HEG1: variants seen among roughly 807,000 people sequenced by gnomAD.
HEG1 encodes heart development protein with EGF like domains 1, also known as protein HEG homolog 1.
HEG1 carries 56 observed loss-of-function variants against 125.6 expected under a neutral mutation model. The ratio of observed to expected loss-of-function variants is 0.45; its 90% confidence interval spans 0.36 to 0.56. HEG1 has a LOEUF of 0.56. HEG1 is among the 20% of genes least tolerant of loss of function. The probability of loss-of-function intolerance (pLI) is 0.00; values close to 1 mark genes in which losing one functional copy is unlikely to be tolerated. For synonymous variants in HEG1, 644 were observed against 668.5 expected (o/e 0.96, Z 0.57); for missense variants, 1,523 against 1,670.0 (o/e 0.91, Z 1.53).
At chr3:124,985,185 G>A (rs921442244) in intron 14 of HEG1, among the ~76,000 whole-genome samples, 1 of 152,114 alleles carries the variant, frequency 6.6e-6, no homozygotes, top group South Asian at 2.1e-4. Flanking sequence ...TGGGGAGCCC[G>A]AAGTTGCTCA....
chr3:125,047,301 C>T (rs946877071), intron 1 of HEG1, among the ~76,000 whole-genome samples: 2 of 152,262 alleles, frequency 1.3e-5, no homozygotes, highest in Admixed American at 1.3e-4. Context: ...GTAGCATCAT[C>T]ATTGCTAGTA....
chr3:125,012,237 TCTTTA>T lies in HEG1; in HGVS notation c.2956+381_2956+385del, dbSNP rs528680000. On this transcript the variant is annotated intron_variant, in intron 6 of 16. Coordinates refer to ENST00000311127, the MANE Select transcript of HEG1 (RefSeq NM_020733.2). ...CTGTGTCAGCCAGGCCTCCTAAGCT[TCTTTA>T]CTTGAGTTTCTCCACCCTACAATCC... 3.0e-3 allele frequency among the ~76,000 whole-genome samples: 453 copies of T among 152,246 alleles called. 1 individual carries two copies. The highest frequency in any genetic ancestry group is 0.01 in the African/African-American group (431 of 41,530).
chr3:124,990,592 A>G (rs558701577), intron 14 of HEG1, among the ~76,000 whole-genome samples, 195 bp downstream of exon 14: 168 of 152,296 alleles, frequency 1.1e-3, no homozygotes, highest in African/African-American at 3.8e-3. Context: ...TCCTGCCTCC[A>G]TCTTCCAAAG....
chr3:125,046,428 CACACACATAT>C (rs1267208337), intron 1 of HEG1, among the ~76,000 whole-genome samples: 2 of 127,718 alleles, frequency 1.6e-5, no homozygotes, highest in Admixed American at 1.6e-4. Context: ...CACACACACA[CACACACATAT>C]ATATTTTTTT....
Position 125,021,071 on chromosome 3 carries a change from G to C in HEG1, c.973C>G (p.Gln325Glu), listed in dbSNP as rs1358049393. Residue 325 changes from glutamine (Q) to glutamate (E), a missense_variant, in exon 4 of 17, where the codon CAA becomes GAA. Gln to Glu is a conservative substitution (Grantham distance 29). Transcript: ENST00000311127. ...GTGGCAACATGCATTGTCTTTGTTT[G>C]ACTGACTGAGGAGCTCTGGAGGCCA... ...STGLQSSSVS[Q>E]TKTMHVATVF... 2 of 1,604,076 alleles carry C rather than the reference G, an allele frequency of 1.2e-6. No homozygotes were observed. Among genetic ancestry groups the C allele is most frequent in the East Asian group, 4.5e-5 (2 of 44,704 alleles).
At position 125,021,023 on chromosome 3, in the gene HEG1, T is replaced by C. The variant is rs1937327925; in HGVS notation, c.1021A>G (p.Arg341Gly). ...CTGACCGTCAAAGATCGCAGCGTTC[T>C]CGGGCCACCATCAGTGAACACGGTG... ...VATVFTDGGP[R>G]TLRSLTVSLG... Residue 341 changes from arginine (R) to glycine (G), a missense_variant, in exon 4 of 17, where the codon AGA (arginine) becomes GGA (glycine). Arg to Gly is a moderately radical substitution (Grantham distance 125, BLOSUM62 -2). Transcript: ENST00000311127. The C allele has an allele frequency of 6.2e-7, 1 of 1,613,328 alleles. No homozygotes were observed. Among genetic ancestry groups the C allele is most frequent in the African/African-American group, 1.3e-5 (1 of 74,894 alleles).
rs1936404046 is a variant in HEG1 at position 124,970,447 on chromosome 3, A to G, written c.*205T>C. 1.8e-6 allele frequency: 1 copy of G among 560,050 alleles called. No homozygotes were observed. Among genetic ancestry groups the G allele is most frequent in the Non-Finnish European group, 3.2e-6 (1 of 313,844 alleles). 34.7% of individuals were successfully genotyped at this position (560,050 alleles called of 1,614,324 possible). On this transcript the variant is annotated 3_prime_UTR_variant, in exon 17 of 17. Coordinates refer to ENST00000311127, the MANE Select transcript of HEG1 (RefSeq NM_020733.2). ...CTGGCCCACATTCACGTTCACAGTA[A>G]CAACAAAGGTGCTGAATGAGCAGCC...
chr3:125,030,375 A>T (rs1200800519), intron 1 of HEG1, among the ~76,000 whole-genome samples: 1 of 152,248 alleles, frequency 6.6e-6, no homozygotes, highest in Non-Finnish European at 1.5e-5. Flanking sequence ...AAGAATGTGG[A>T]CAAAGATTTA....
chr3:125,009,189 A>G (rs1282974413), intron 8 of HEG1, among the ~76,000 whole-genome samples: 5 of 152,236 alleles, frequency 3.3e-5, no homozygotes, highest in Non-Finnish European at 7.3e-5. Flanking sequence ...GTATCTGCCT[A>G]TGAGCAAGAG....
rs528817931 is a variant in HEG1, at chr3:125,055,976, G to A, written c.-86C>T. ...GGCAGCGGGCGGCGGGGGCCGCGCG[G>A]GGCCGGGGAAGTGAGCGGAGTGAGG... On this transcript the variant is annotated 5_prime_UTR_variant, in exon 1 of 17. Transcript: ENST00000311127. 7.6e-4 allele frequency: 392 copies of A among 518,606 alleles called. 3 individuals carry two copies. The South Asian group carries it at 0.027, about 36-fold the overall frequency. The allele number at this position is 518,606 out of a possible 1,614,324, so 32.1% of individuals were successfully genotyped here.
chr3:125,014,850 A>C (rs1387869801), intron 5 of HEG1: 23 of 1,289,736 alleles, frequency 1.8e-5, no homozygotes, highest in Non-Finnish European at 2.3e-5. Context: ...AGTCGTGCTC[A>C]TGCTGGTGTT....
chr3:124,970,770 C>T lies in HEG1; in HGVS notation c.4028G>A (p.Arg1343Gln), dbSNP rs764112615. 29 of 1,609,872 alleles carry T rather than the reference C, an allele frequency of 1.8e-5. No individual in the cohort carries two copies. The East Asian group carries it at 4.0e-4, about 22-fold the overall frequency. The stretch of plus-strand genomic sequence containing the variant: ...AGTGTAGGCCGGGTAGAGTCCGTTT[C>T]GTTCAAGTTCTGGATTCCTTACACT... Reference protein sequence around the residue: ...PTSVRNPELERNGLYPAYTGL... With the variant: ...PTSVRNPELEQNGLYPAYTGL... The change falls in exon 17 of 17, where the codon CGA becomes CAA. Residue 1343 changes from arginine (R) to glutamine (Q), a missense_variant. Transcript: ENST00000311127.
At chr3:124,997,859 A>T in intron 11 of HEG1, 36 bp from the exon 12 acceptor site, 1 of 1,533,246 alleles carries the variant, frequency 6.5e-7, no homozygotes, top group Non-Finnish European at 8.8e-7. Flanking sequence ...AACAAAACAA[A>T]ACCTTCTCCA....
rs1450847573 is a variant in HEG1, at chr3:124,973,836, T to A, written c.3891A>T (p.Glu1297Asp). The change falls in exon 16 of 17, where the codon GAA becomes GAT. Residue 1297 changes from glutamate (E) to aspartate (D), a missense_variant. Coordinates refer to ENST00000311127, the MANE Select transcript of HEG1 (RefSeq NM_020733.2). The part of the protein sequence containing the change: ...SGDFQMSPYA[E>D]YPKNPRSQEW... ...CTTGTGAGCGAGGATTTTTGGGGTA[T>A]TCAGCATACGGGGACATTTGGAAAT... The A allele has an allele frequency of 1.9e-6, 3 of 1,613,666 alleles. No homozygotes were observed. The highest frequency in any genetic ancestry group is 1.7e-5 in the Admixed American group (1 of 60,022).
intron 9 of HEG1, among the ~76,000 whole-genome samples, chr3:125,004,838 T>C (rs1420141169): frequency 6.6e-6 from 1 of 152,152 alleles, no homozygotes; most frequent in Non-Finnish European, 1.5e-5. Context: ...TGCTGCACCT[T>C]TGGCATTCCT....
intron 5 of HEG1, chr3:125,014,758 T>C (rs1338817127): frequency 7.0e-6 from 9 of 1,288,224 alleles, no homozygotes; most frequent in Non-Finnish European, 8.1e-6. Context: ...ACCAGGCCCA[T>C]GTCGTCCGTC....
At chr3:124,985,950 G>A (rs1019741005) in intron 14 of HEG1, among the ~76,000 whole-genome samples, 3 of 152,242 alleles carry the variant, frequency 2.0e-5, no homozygotes, top group African/African-American at 4.8e-5. Context: ...GCTAATTTTC[G>A]TATTTTTAGT....
intron 14 of HEG1, among the ~76,000 whole-genome samples, chr3:124,981,733 T>C (rs189132640): frequency 2.6e-5 from 4 of 152,320 alleles, no homozygotes; most frequent in African/African-American, 9.6e-5. Flanking sequence ...AGAAAGAGCC[T>C]GGGAGGAACT....
rs1356499523 is a variant in HEG1 at position 125,013,162 on chromosome 3, G to C, written c.2417C>G (p.Thr806Ser). The C allele has an allele frequency of 6.2e-7, 1 of 1,613,928 alleles. No individual in the cohort carries two copies. The highest frequency in any genetic ancestry group is 1.3e-5 in the African/African-American group (1 of 74,930). The stretch of plus-strand genomic sequence containing the variant: ...AGGAGAGTTTGTTGTTACAGCTTTG[G>C]TGGACTCTGTGGGCAGAGACACCAG... ...PSLVSLPTES[T>S]KAVTTNSPLP... is the part of the protein sequence containing the mutation. Residue 806 changes from threonine to serine, a missense_variant, in exon 6 of 17, where the codon ACC becomes AGC. By Grantham distance (58) the Thr-to-Ser change is moderately conservative (BLOSUM62 1). Transcript: ENST00000311127.
Sources: gnomAD v4.1 joint callset for allele counts (sites outside exome capture counted in the v4.1 genomes callset) on GRCh38, gnomAD v4.1.1 for gene constraint, MANE v1.5 for transcripts, NCBI Gene and HGNC (gene_info 2026-07-23, HGNC 2026-07-21) for gene names.